DLGAP2: variants seen among roughly 807,000 people sequenced by gnomAD.
DLGAP2 encodes the protein disks large-associated protein 2.
In DLGAP2, 26 loss-of-function variants were observed where a neutral mutation model predicts 100.3. The ratio of observed to expected loss-of-function variants is 0.26; its 90% CI spans 0.19 to 0.36. The LOEUF is 0.36. Ranked by LOEUF, DLGAP2 falls within the 10% of genes least tolerant of loss-of-function variation. The pLI is 1.00. For synonymous variants in DLGAP2, 886 were observed against 630.1 expected (o/e 1.41, Z -6.08); for missense variants, 1,858 against 1,453.2 (o/e 1.28, Z -4.53).
chr8:819,540 ACTTATTTT>A (rs1396589585), intron 1 of DLGAP2, among the ~76,000 whole-genome samples: 2 of 152,232 alleles, frequency 1.3e-5, no homozygotes, highest in Non-Finnish European at 2.9e-5. Flanking sequence ...GAATCAAGAG[ACTTATTTT>A]CATTGGAAAA....
At chr8:1,194,929 C>G (rs1797717166) in intron 2 of DLGAP2, among the ~76,000 whole-genome samples, 1 of 152,242 alleles carries the variant, frequency 6.6e-6, no homozygotes. Context: ...GTTCAGTTGT[C>G]AACTACCAAC....
At chr8:1,180,741 C>T (rs61145151) in intron 2 of DLGAP2, among the ~76,000 whole-genome samples, 1 of 140,390 alleles carries the variant, frequency 7.1e-6, no homozygotes, top group African/African-American at 2.6e-5. Context: ...ACCATTGAGT[C>T]TGTGTGGGTG....
chr8:761,192 C>G (rs1821074280), intron 1 of DLGAP2, among the ~76,000 whole-genome samples: 1 of 152,160 alleles, frequency 6.6e-6, no homozygotes, highest in African/African-American at 2.4e-5. Flanking sequence ...CTCCCCCCCA[C>G]TTTACTTTCT....
rs538523402 is a variant in DLGAP2, at chr8:1,596,481, TC to T, written c.1443-30256del. ...CCAGAATGGTTGAACTAACTTATAC[TC>T]CCACCAACAGTGTAAAAGCGTTCCT... On this transcript the variant is annotated intron_variant, in intron 6 of 14. Coordinates refer to ENST00000637795, the MANE Select transcript of DLGAP2 (RefSeq NM_001346810.2). Among the ~76,000 whole-genome samples the T allele has an allele frequency of 9.8e-5, 15 of 152,330 alleles. No individual in the cohort carries two copies. The South Asian group carries it at 2.9e-3, about 29-fold the overall frequency.
chr8:824,052 C>G (rs1347462908), intron 1 of DLGAP2, among the ~76,000 whole-genome samples: 3 of 149,748 alleles, frequency 2.0e-5, no homozygotes, highest in African/African-American at 7.4e-5. Flanking sequence ...TCTTTTTTTT[C>G]TTCTTCTTCC....
chr8:879,964 C>T (rs1034950208), intron 1 of DLGAP2, among the ~76,000 whole-genome samples: 15 of 152,174 alleles, frequency 9.9e-5, no homozygotes, highest in African/African-American at 3.4e-4. Flanking sequence ...GAGTCTGCAG[C>T]CTCCTTCTTT....
At chr8:1,472,024 G>T (rs770474290) in intron 3 of DLGAP2, among the ~76,000 whole-genome samples, 4 of 152,210 alleles carry the variant, frequency 2.6e-5, no homozygotes, top group Non-Finnish European at 4.4e-5. Context: ...CTACGTTAAG[G>T]ATAAAGCAGT....
chr8:1,584,789 C>G (rs775505367), intron 6 of DLGAP2, among the ~76,000 whole-genome samples: 1 of 152,120 alleles, frequency 6.6e-6, no homozygotes, highest in Non-Finnish European at 1.5e-5. Flanking sequence ...AAGAAGGGCA[C>G]CAGAACATTA....
intron 3 of DLGAP2, among the ~76,000 whole-genome samples, chr8:1,489,627 A>G (rs1799320216): frequency 6.6e-6 from 1 of 152,224 alleles, no homozygotes; most frequent in South Asian, 2.1e-4. Context: ...TTTGGAAAGC[A>G]CAAAAAATTT....
intron 3 of DLGAP2, among the ~76,000 whole-genome samples, chr8:1,294,873 C>CA (rs1314028697): frequency 1.8e-4 from 26 of 140,626 alleles, no homozygotes; most frequent in East Asian, 4.3e-4. Context: ...TGTCTCAAAA[C>CA]AAAAAAAAAC....
chr8:1,124,380 C>A (rs1054842905), intron 2 of DLGAP2, among the ~76,000 whole-genome samples: 2 of 152,158 alleles, frequency 1.3e-5, no homozygotes, highest in Non-Finnish European at 2.9e-5. Context: ...AGAGCTGAGT[C>A]CAGGGCCCAG....
At chr8:1,695,725 C>A (rs1799381404) in intron 13 of DLGAP2, among the ~76,000 whole-genome samples, 1 of 152,272 alleles carries the variant, frequency 6.6e-6, no homozygotes, top group Non-Finnish European at 1.5e-5. Flanking sequence ...AGGTAGGAAC[C>A]ACCCCTACAG....
chr8:1,187,043 C>T (rs939340536), intron 2 of DLGAP2, among the ~76,000 whole-genome samples: 18 of 152,180 alleles, frequency 1.2e-4, no homozygotes, highest in Non-Finnish European at 1.9e-4. Flanking sequence ...CTTTCCCAGG[C>T]CCCAGAATCC....
At chr8:1,318,845 T>A (rs1470003987) in intron 3 of DLGAP2, among the ~76,000 whole-genome samples, 1 of 130,988 alleles carries the variant, frequency 7.6e-6, no homozygotes, top group Non-Finnish European at 1.6e-5. Context: ...GCCGGAATGG[T>A]CTTCCTAAAA....
intron 2 of DLGAP2, among the ~76,000 whole-genome samples, chr8:1,117,594 A>G (rs1159845742): frequency 6.6e-6 from 1 of 152,172 alleles, no homozygotes; most frequent in Non-Finnish European, 1.5e-5. Context: ...ATGCTTAGAA[A>G]TCAGGACTGA....
chr8:902,420 G>A (rs976219394), intron 1 of DLGAP2, among the ~76,000 whole-genome samples: 1 of 150,116 alleles, frequency 6.7e-6, no homozygotes, highest in African/African-American at 2.5e-5. Context: ...TGTGCAGTTC[G>A]TGCTGGTGGA....
chr8:1,701,018 C>A (rs1159869587), intron 14 of DLGAP2, among the ~76,000 whole-genome samples, 170 bp from the exon 15 acceptor site: 1 of 152,164 alleles, frequency 6.6e-6, no homozygotes, highest in African/African-American at 2.4e-5. Context: ...AGAAGGCAGG[C>A]CTGTGGCCTG....
At chr8:1,668,779 T>A in intron 9 of DLGAP2, 101 bp downstream of exon 9, 3 of 1,086,898 alleles carry the variant, frequency 2.8e-6, no homozygotes, top group Non-Finnish European at 3.8e-6. Flanking sequence ...TCCTTAGCAC[T>A]GACTGTAACC....
intron 1 of DLGAP2, among the ~76,000 whole-genome samples, chr8:799,500 T>C (rs1435382872): frequency 6.6e-6 from 1 of 152,200 alleles, no homozygotes; most frequent in Non-Finnish European, 1.5e-5. Flanking sequence ...TCATGTTTTG[T>C]TTTTGGCTGG....
Sources: allele counts gnomAD v4.1 joint callset (sites outside exome capture counted in the v4.1 genomes callset), GRCh38; gene constraint gnomAD v4.1.1; transcripts MANE v1.5; gene names NCBI Gene and HGNC (gene_info 2026-07-23, HGNC 2026-07-21).